Variants in SLC9A9 observed in about 807,000 individuals in gnomAD.
The protein encoded by SLC9A9 is solute carrier family 9 member A9.
A neutral mutation model predicts 77.8 loss-of-function variants in SLC9A9; 62 were observed. That is an observed-to-expected ratio of 0.80 (90% CI 0.65 to 0.98). The LOEUF (loss-of-function observed/expected upper bound fraction) is 0.98. Ranked by LOEUF, SLC9A9 falls within the 50% of genes least tolerant of loss-of-function variation. The pLI, the probability that SLC9A9 is intolerant of heterozygous loss-of-function variation, is 0.00. For synonymous variants in SLC9A9, 320 were observed against 283.5 expected (o/e 1.13, Z -1.29); for missense variants, 775 against 774.9 (o/e 1.00, Z 0.00).
chr3:143,301,526 T>G (rs1055507390), intron 14 of SLC9A9, among the ~76,000 whole-genome samples: 3 of 152,156 alleles, frequency 2.0e-5, no homozygotes, highest in African/African-American at 7.2e-5. Flanking sequence ...AAGCCTTCAG[T>G]AGGCAAGAGT....
At chr3:143,534,295 C>T (rs937748492) in intron 9 of SLC9A9, among the ~76,000 whole-genome samples, 3 of 152,162 alleles carry the variant, frequency 2.0e-5, no homozygotes, top group African/African-American at 7.2e-5. Flanking sequence ...CCCAGCAAAG[C>T]TACAAATCAA....
intron 11 of SLC9A9, among the ~76,000 whole-genome samples, chr3:143,468,495 C>G (rs1306818514): frequency 2.0e-5 from 3 of 152,128 alleles, no homozygotes; most frequent in Non-Finnish European, 4.4e-5. Flanking sequence ...TATAATAAGC[C>G]TTAACATTGG....
intron 4 of SLC9A9, among the ~76,000 whole-genome samples, chr3:143,715,622 T>C (rs942029876): frequency 6.6e-6 from 1 of 152,168 alleles, no homozygotes; most frequent in Non-Finnish European, 1.5e-5. Flanking sequence ...CATCTCCAGA[T>C]CCCTGGATCA....
intron 14 of SLC9A9, among the ~76,000 whole-genome samples, chr3:143,280,179 T>C (rs1425562175): frequency 6.7e-6 from 1 of 150,142 alleles, no homozygotes; most frequent in African/African-American, 2.5e-5. Flanking sequence ...GAGGCCACCT[T>C]CTAACTTTCC....
chr3:143,285,395 A>G (rs1056656470), intron 14 of SLC9A9, among the ~76,000 whole-genome samples: 15 of 152,224 alleles, frequency 9.9e-5, no homozygotes, highest in African/African-American at 2.7e-4. Context: ...AGATAGTTTT[A>G]TCATTATCCT....
chr3:143,553,887 A>G (rs1057187128), intron 8 of SLC9A9, among the ~76,000 whole-genome samples: 25 of 152,206 alleles, frequency 1.6e-4, no homozygotes, highest in Non-Finnish European at 2.4e-4. Context: ...CAGAATTTCT[A>G]TTTTAAAAAG....
chr3:143,819,957 T>C (rs2009124062), intron 2 of SLC9A9, among the ~76,000 whole-genome samples: 1 of 152,218 alleles, frequency 6.6e-6, no homozygotes, highest in African/African-American at 2.4e-5. Flanking sequence ...ACCTTGTAAA[T>C]AGCCAAGGCC....
At chr3:143,307,131 A>G (rs1417358947) in intron 14 of SLC9A9, among the ~76,000 whole-genome samples, 2 of 152,218 alleles carry the variant, frequency 1.3e-5, no homozygotes, top group Non-Finnish European at 2.9e-5. Context: ...TAGGCTCTGC[A>G]GAGAAGATGA....
At chr3:143,492,127 C>T in intron 11 of SLC9A9, among the ~76,000 whole-genome samples, 1 of 151,652 alleles carries the variant, frequency 6.6e-6, no homozygotes, top group Non-Finnish European at 1.5e-5. Flanking sequence ...CCCGTCTCTA[C>T]TAAAAATACA....
intron 4 of SLC9A9, among the ~76,000 whole-genome samples, chr3:143,751,520 AG>A (rs1208065032): frequency 6.6e-6 from 1 of 152,128 alleles, no homozygotes; most frequent in African/African-American, 2.4e-5. Context: ...ACAGCTCTGA[AG>A]GGCCATCCTG....
At chr3:143,294,887 T>C (rs1481053025) in intron 14 of SLC9A9, among the ~76,000 whole-genome samples, 1 of 152,236 alleles carries the variant, frequency 6.6e-6, no homozygotes, top group African/African-American at 2.4e-5. Context: ...AACATTATCA[T>C]GAGGATTAAT....
At chr3:143,744,043 G>C (rs1037455348) in intron 4 of SLC9A9, among the ~76,000 whole-genome samples, 1 of 152,102 alleles carries the variant, frequency 6.6e-6, no homozygotes. Flanking sequence ...GCAGCTAATA[G>C]GATTAATAGT....
In SLC9A9 at chr3:143,529,212, A is replaced by C. The variant is rs76653819; in HGVS notation, c.1089+23150T>G. Among the ~76,000 whole-genome samples, 944 of 152,312 alleles carry C rather than the reference A, an allele frequency of 6.2e-3. 6 individuals are homozygous for C. Among genetic ancestry groups the C allele is most frequent in the Non-Finnish European group, 0.011 (727 of 68,016 alleles). On this transcript the variant is annotated intron_variant, in intron 9 of 15. Transcript: ENST00000316549. ...AATGCCCCTCTGGGAGGAAGTCAAC[A>C]TCTTATGATCAGAACCGCAATACTG... is the stretch of plus-strand genomic sequence containing the variant.
intron 4 of SLC9A9, among the ~76,000 whole-genome samples, chr3:143,705,052 GATATAGATAT>G (rs58982013): frequency 2.1e-4 from 8 of 37,418 alleles, no homozygotes; most frequent in South Asian, 1.9e-3. Flanking sequence ...TATAGATATA[GATATAGATAT>G]ATAGATATAT....
intron 12 of SLC9A9, among the ~76,000 whole-genome samples, chr3:143,462,808 G>A (rs73146708): frequency 3.9e-5 from 6 of 152,138 alleles, no homozygotes; most frequent in Non-Finnish European, 8.8e-5. Flanking sequence ...AGGGTAGATT[G>A]CAGGCATTGA....
At chr3:143,704,158 G>T (rs1576670541) in intron 4 of SLC9A9, among the ~76,000 whole-genome samples, 2 of 152,214 alleles carry the variant, frequency 1.3e-5, no homozygotes, top group East Asian at 1.9e-4. Context: ...AAGAACTAAT[G>T]CCAACTCTGC....
chr3:143,320,990 A>C (rs879452403), intron 14 of SLC9A9, among the ~76,000 whole-genome samples: 1 of 152,214 alleles, frequency 6.6e-6, no homozygotes, highest in African/African-American at 2.4e-5. Flanking sequence ...TAAGCTAAGG[A>C]ATACTAAGGA....
chr3:143,714,095 A>C (rs1040787373), intron 4 of SLC9A9, among the ~76,000 whole-genome samples: 10 of 152,200 alleles, frequency 6.6e-5, no homozygotes, highest in African/African-American at 2.4e-4. Flanking sequence ...CAACCTTCCC[A>C]GGACATAGAA....
At chr3:143,304,792 C>T (rs942252235) in intron 14 of SLC9A9, among the ~76,000 whole-genome samples, 8 of 152,274 alleles carry the variant, frequency 5.3e-5, no homozygotes, top group East Asian at 1.9e-4. Context: ...TTTCCTATTA[C>T]GACTTAAGTC....
Sources: allele counts gnomAD v4.1 joint callset (sites outside exome capture counted in the v4.1 genomes callset), GRCh38; gene constraint gnomAD v4.1.1; transcripts MANE v1.5; gene names NCBI Gene and HGNC (gene_info 2026-07-23, HGNC 2026-07-21).